The following LINGO2 variants were observed in gnomAD, a reference collection of about 807,000 sequenced individuals.
LINGO2 encodes the protein leucine-rich repeat and immunoglobulin-like domain-containing nogo receptor-interacting protein 2.
LINGO2 carries 14 observed loss-of-function variants against 30.6 expected under a neutral mutation model. The observed-to-expected ratio is 0.46, with a 90% CI of 0.30 to 0.72. The LOEUF (loss-of-function observed/expected upper bound fraction) is 0.72. Among genes scored for constraint, LINGO2 ranks in the 30% least tolerant of loss-of-function variants. The pLI is 0.07. For missense variants in LINGO2, 729 were observed against 751.7 expected, an observed-to-expected ratio of 0.97 and a Z score of 0.35; for synonymous variants, 317 against 288.5, an observed-to-expected ratio of 1.10 and a Z score of -1.00.
intron 1 of LINGO2, among the ~76,000 whole-genome samples, chr9:28,597,971 C>T (rs1238549254): frequency 6.6e-6 from 1 of 151,914 alleles, no homozygotes; most frequent in African/African-American, 2.4e-5. Flanking sequence ...CACTATGTTG[C>T]CCAGGCTGGT....
intron 3 of LINGO2, among the ~76,000 whole-genome samples, chr9:28,344,703 T>C (rs1172204317): frequency 1.3e-5 from 2 of 150,852 alleles, no homozygotes; most frequent in Non-Finnish European, 3.0e-5. Flanking sequence ...TAGTAAAAAA[T>C]ATCCACTCTC....
chr9:28,928,553 G>A, the LINGO2 span, among the ~76,000 whole-genome samples: 1 of 152,012 alleles, frequency 6.6e-6, no homozygotes, highest in Non-Finnish European at 1.5e-5. Context: ...CAGGCACTGA[G>A]GTTCCACTCA....
At chr9:28,255,753 T>C (rs971518942) in intron 4 of LINGO2, among the ~76,000 whole-genome samples, 2 of 152,084 alleles carry the variant, frequency 1.3e-5, no homozygotes, top group African/African-American at 2.4e-5. Context: ...TGCAATTCTA[T>C]TTCCTGATCT....
intron 1 of LINGO2, among the ~76,000 whole-genome samples, chr9:28,620,151 T>A (rs547263396): frequency 8.6e-4 from 129 of 150,512 alleles, no homozygotes; most frequent in African/African-American, 3.0e-3. Flanking sequence ...CCCTAAGTGC[T>A]GCATTCTCCT....
chr9:28,199,634 G>C (rs1330899595), intron 4 of LINGO2, among the ~76,000 whole-genome samples: 1 of 152,036 alleles, frequency 6.6e-6, no homozygotes, highest in African/African-American at 2.4e-5. Flanking sequence ...CACTGCGCCT[G>C]GCCCCTTCTT....
At chr9:28,290,089 G>A (rs1564098875) in intron 4 of LINGO2, among the ~76,000 whole-genome samples, 1 of 152,076 alleles carries the variant, frequency 6.6e-6, no homozygotes, top group Non-Finnish European at 1.5e-5. Flanking sequence ...TCATTCTTCT[G>A]CATTACATCT....
the LINGO2 span, among the ~76,000 whole-genome samples, chr9:28,717,972 G>A: frequency 5.9e-5 from 9 of 152,040 alleles, no homozygotes; most frequent in East Asian, 1.9e-4. Context: ...AGAAGCCAGC[G>A]ATACAGTTAA....
At chr9:28,223,689 T>C (rs1021060262) in intron 4 of LINGO2, among the ~76,000 whole-genome samples, 2 of 152,132 alleles carry the variant, frequency 1.3e-5, no homozygotes, top group Non-Finnish European at 2.9e-5. Flanking sequence ...ATAGTGGTTA[T>C]GGAAACAGAG....
At chr9:28,591,657 C>T (rs747994839) in intron 1 of LINGO2, among the ~76,000 whole-genome samples, 21 of 152,054 alleles carry the variant, frequency 1.4e-4, no homozygotes, top group Admixed American at 2.6e-4. Context: ...GTTGGGAACG[C>T]GGCACTGCTA....
In LINGO2 at chr9:28,494,228, T is replaced by A. The variant is rs192852933; in HGVS notation, c.-364-18203A>T. ...CCTAATATTTAGGCTACTTTTTTTT[T>A]AAATCATACTTTAAGCACTAGGGTA... On this transcript the variant is annotated intron_variant, in intron 1 of 5. Transcript: ENST00000379992. Among the ~76,000 whole-genome samples the A allele has an allele frequency of 1.8e-3, 278 of 152,234 alleles. 2 individuals are homozygous for A. In the East Asian group the frequency reaches 0.025, roughly 14 times the overall value.
the LINGO2 span, among the ~76,000 whole-genome samples, chr9:29,188,634 T>C: frequency 6.6e-6 from 1 of 151,430 alleles, no homozygotes; most frequent in Non-Finnish European, 1.5e-5. Context: ...GGCTCCTCAC[T>C]TCCCAGTAGG....
At chr9:28,047,563 C>T (rs943108293) in intron 4 of LINGO2, among the ~76,000 whole-genome samples, 1 of 150,848 alleles carries the variant, frequency 6.6e-6, no homozygotes, top group Non-Finnish European at 1.5e-5. Flanking sequence ...CATAGCTCTA[C>T]TATTTAACAA....
At chr9:28,247,329 G>T (rs992638211) in intron 4 of LINGO2, among the ~76,000 whole-genome samples, 12 of 152,258 alleles carry the variant, frequency 7.9e-5, no homozygotes, top group African/African-American at 2.6e-4. Flanking sequence ...ATTCACAACA[G>T]CAAAGAGATG....
At chr9:28,352,553 T>C (rs944190676) in intron 3 of LINGO2, among the ~76,000 whole-genome samples, 12 of 137,176 alleles carry the variant, frequency 8.7e-5, no homozygotes, top group African/African-American at 2.8e-4. Flanking sequence ...GAAGAATCAA[T>C]ATCGTGAAAA....
chr9:28,917,059 T>G, the LINGO2 span, among the ~76,000 whole-genome samples: 1 of 152,222 alleles, frequency 6.6e-6, no homozygotes, highest in Non-Finnish European at 1.5e-5. Context: ...TTACTTCCCT[T>G]TCTACCTTTT....
the LINGO2 span, among the ~76,000 whole-genome samples, chr9:29,170,433 T>G: frequency 6.6e-6 from 1 of 151,958 alleles, no homozygotes; most frequent in East Asian, 1.9e-4. Flanking sequence ...ATAACAGACA[T>G]AGGAGACTAT....
chr9:28,690,233 A>G, the LINGO2 span, among the ~76,000 whole-genome samples: 10,558 of 152,112 alleles, frequency 0.069, 519 homozygotes, highest in Admixed American at 0.19. Context: ...AGTTAAAATA[A>G]AAGTTGGAAA....
the LINGO2 span, among the ~76,000 whole-genome samples, chr9:29,111,059 A>T: frequency 1.2e-3 from 177 of 152,320 alleles, no homozygotes; most frequent in African/African-American, 4.1e-3. Context: ...ATTCTTTTAT[A>T]CAATACCATA....
chr9:28,644,499 G>A (rs1181698364), intron 1 of LINGO2, among the ~76,000 whole-genome samples: 2 of 151,710 alleles, frequency 1.3e-5, no homozygotes, highest in Non-Finnish European at 2.9e-5. Flanking sequence ...TATACATATA[G>A]AGTGGGAGGA....
Sources: gnomAD v4.1 joint callset for allele counts (sites outside exome capture counted in the v4.1 genomes callset) on GRCh38, gnomAD v4.1.1 for gene constraint, MANE v1.5 for transcripts, NCBI Gene and HGNC (gene_info 2026-07-23, HGNC 2026-07-21) for gene names.